Variants in ITGBL1 observed in about 807,000 individuals in gnomAD.
The protein encoded by ITGBL1 is integrin beta-like protein 1.
A neutral mutation model predicts 68.5 loss-of-function variants in ITGBL1; 51 were observed. The ratio of observed to expected loss-of-function variants is 0.74; its 90% CI spans 0.59 to 0.94. ITGBL1 has a LOEUF of 0.94. ITGBL1 is among the 40% of genes least tolerant of loss of function. The pLI, the probability that ITGBL1 is intolerant of heterozygous loss-of-function variation, is 0.00. For synonymous variants in ITGBL1, 209 were observed against 227.3 expected (o/e 0.92, Z 0.72); for missense variants, 649 against 647.4 (o/e 1.00, Z -0.03).
At position 101,695,481 on chromosome 13, in the gene ITGBL1, G is replaced by A. The variant is rs534732665; in HGVS notation, c.1132+2780G>A. Among the ~76,000 whole-genome samples the A allele has an allele frequency of 8.5e-5, 13 of 152,292 alleles. No homozygotes were observed. In the South Asian group the frequency reaches 2.3e-3, roughly 27 times the overall value. ...AAAGGTGACAGGAAACCAAAGGAAGGGCTTAAACAGAGCTTAAACATGATC... is the reference window on the plus strand; with the variant it reads ...AAAGGTGACAGGAAACCAAAGGAAGAGCTTAAACAGAGCTTAAACATGATC... On this transcript the variant is annotated intron_variant, in intron 8 of 10. Coordinates refer to ENST00000376180, the MANE Select transcript of ITGBL1 (RefSeq NM_004791.3).
chr13:101,537,167 C>A (rs145588094), intron 2 of ITGBL1, among the ~76,000 whole-genome samples: 1 of 152,080 alleles, frequency 6.6e-6, no homozygotes, highest in African/African-American at 2.4e-5. Context: ...TCATCATATT[C>A]TAATCAACTT....
At chr13:101,618,990 G>A (rs13378919) in intron 7 of ITGBL1, among the ~76,000 whole-genome samples, 12 of 151,948 alleles carry the variant, frequency 7.9e-5, no homozygotes, top group African/African-American at 2.7e-4. Context: ...GGGAATTGGG[G>A]CAACGAGATG....
chr13:101,559,414 T>C (rs964048784), intron 2 of ITGBL1, among the ~76,000 whole-genome samples: 5 of 152,234 alleles, frequency 3.3e-5, no homozygotes, highest in African/African-American at 1.2e-4. Context: ...ACTAGATTTC[T>C]GAATTATTTC....
At chr13:101,471,712 G>C (rs1430471948) in intron 2 of ITGBL1, among the ~76,000 whole-genome samples, 1 of 152,120 alleles carries the variant, frequency 6.6e-6, no homozygotes, top group East Asian at 1.9e-4. Flanking sequence ...TGGATCACAG[G>C]AGCACTAGAA....
chr13:101,525,422 A>G (rs1206482377), intron 2 of ITGBL1, among the ~76,000 whole-genome samples: 1 of 152,046 alleles, frequency 6.6e-6, no homozygotes, highest in Non-Finnish European at 1.5e-5. Context: ...CACCTTGTCT[A>G]TTGCAACTAA....
chr13:101,471,724 G>A (rs553036873), intron 2 of ITGBL1, among the ~76,000 whole-genome samples: 1 of 152,252 alleles, frequency 6.6e-6, no homozygotes, highest in Admixed American at 6.5e-5. Context: ...GCACTAGAAA[G>A]TGAGACGAAA....
At chr13:101,539,122 T>A (rs1471496110) in intron 2 of ITGBL1, among the ~76,000 whole-genome samples, 4 of 148,228 alleles carry the variant, frequency 2.7e-5, no homozygotes, top group Non-Finnish European at 4.5e-5. Context: ...TACATATGTA[T>A]ACATCTGCTG....
At position 101,692,716 on chromosome 13, in the gene ITGBL1, C is replaced by T; in HGVS notation, c.1132+15C>T. ...GGTCTGTGGAGGTAGTAACCTTTCT[C>T]ATAGCTGTATGCTACCTGCATGCAA... On this transcript the variant is annotated intron_variant, in intron 8 of 10. Transcript: ENST00000376180. The T allele has an allele frequency of 3.9e-6, 6 of 1,532,718 alleles. No individual in the cohort carries two copies. The highest frequency in any genetic ancestry group is 3.4e-5 in the South Asian group (3 of 89,496). The allele number at this position is 1,532,718 out of a possible 1,614,324, so 94.9% of individuals were successfully genotyped here. A position where few individuals can be genotyped will look rare whatever the true frequency, so the allele number is the denominator to read the frequency against.
chr13:101,519,087 G>C (rs1365482818), intron 2 of ITGBL1, among the ~76,000 whole-genome samples: 1 of 152,092 alleles, frequency 6.6e-6, no homozygotes, highest in Non-Finnish European at 1.5e-5. Context: ...AAAGTCAGTG[G>C]TACGCATTAA....
intron 2 of ITGBL1, among the ~76,000 whole-genome samples, chr13:101,527,880 A>G (rs769982098): frequency 1.1e-4 from 17 of 152,124 alleles, no homozygotes; most frequent in Middle Eastern, 3.4e-3. Context: ...TTGTCTTCTC[A>G]TTACTCAGAA....
rs554852566 is a variant in ITGBL1, at chr13:101,548,596, C to T, written c.317-19103C>T. On this transcript the variant is annotated intron_variant, in intron 2 of 10. Coordinates refer to ENST00000376180, the MANE Select transcript of ITGBL1 (RefSeq NM_004791.3). ...AAGAATAAGAAACATATATCCATGT[C>T]TGTTATCATTTTAAACATTGTTTTA... 1.9e-3 allele frequency among the ~76,000 whole-genome samples: 284 copies of T among 151,870 alleles called. 1 individual carries two copies. Among genetic ancestry groups the T allele is most frequent in the African/African-American group, 6.6e-3 (274 of 41,540 alleles).
chr13:101,673,065 AC>A (rs758780712), intron 7 of ITGBL1, among the ~76,000 whole-genome samples: 2 of 152,202 alleles, frequency 1.3e-5, no homozygotes, highest in Non-Finnish European at 2.9e-5. Flanking sequence ...GTAACCAGAG[AC>A]CTTCAAACCA....
At chr13:101,709,130 C>A (rs1469259144) in intron 9 of ITGBL1, among the ~76,000 whole-genome samples, 1 of 151,834 alleles carries the variant, frequency 6.6e-6, no homozygotes, top group African/African-American at 2.4e-5. Flanking sequence ...CTTTGGGAGG[C>A]CGAGGCGGGT....
intron 8 of ITGBL1, among the ~76,000 whole-genome samples, chr13:101,704,203 C>G (rs551852847): frequency 1.3e-5 from 2 of 152,132 alleles, no homozygotes; most frequent in African/African-American, 2.4e-5. Context: ...ATACCTGTGT[C>G]TGGGTGCATT....
At chr13:101,674,610 T>C (rs1359692838) in intron 7 of ITGBL1, among the ~76,000 whole-genome samples, 1 of 152,036 alleles carries the variant, frequency 6.6e-6, no homozygotes, top group African/African-American at 2.4e-5. Context: ...GATAATTTTT[T>C]TTTCTGTCAA....
intron 2 of ITGBL1, among the ~76,000 whole-genome samples, chr13:101,463,811 T>G (rs559458526): frequency 3.3e-5 from 5 of 151,866 alleles, no homozygotes; most frequent in South Asian, 2.1e-4. Flanking sequence ...AAATATGTAA[T>G]AAACATTACT....
At chr13:101,592,670 A>G (rs1288676165) in intron 6 of ITGBL1, among the ~76,000 whole-genome samples, 1 of 152,254 alleles carries the variant, frequency 6.6e-6, no homozygotes, top group East Asian at 1.9e-4. Flanking sequence ...AAGAACACAC[A>G]TTGGAAAAAA....
chr13:101,605,151 T>A (rs1331126288), intron 7 of ITGBL1, among the ~76,000 whole-genome samples: 1 of 107,120 alleles, frequency 9.3e-6, no homozygotes, highest in Non-Finnish European at 1.8e-5. Context: ...TATATACATA[T>A]GTGTGTGTAT....
At chr13:101,669,922 T>A (rs1205458871) in intron 7 of ITGBL1, among the ~76,000 whole-genome samples, 1 of 152,208 alleles carries the variant, frequency 6.6e-6, no homozygotes, top group Non-Finnish European at 1.5e-5. Context: ...TTCCTCCTTC[T>A]CTTCCTGCAG....
Sources: gnomAD v4.1 joint callset for allele counts (sites outside exome capture counted in the v4.1 genomes callset) on GRCh38, gnomAD v4.1.1 for gene constraint, MANE v1.5 for transcripts, NCBI Gene and HGNC (gene_info 2026-07-23, HGNC 2026-07-21) for gene names.